Variants in NUBPL observed in about 807,000 individuals in gnomAD.
NUBPL encodes the protein NUBP iron-sulfur cluster assembly factor, mitochondrial, also known as iron-sulfur cluster transfer protein NUBPL.
NUBPL carries 31 observed loss-of-function variants against 45.7 expected under a neutral mutation model. The observed-to-expected ratio is 0.68, with a 90% CI of 0.51 to 0.92. NUBPL has a LOEUF of 0.92. Ranked by LOEUF, NUBPL falls within the 40% of genes least tolerant of loss-of-function variation. NUBPL has a pLI of 0.00. For missense variants in NUBPL, 401 were observed against 398.7 expected, an observed-to-expected ratio of 1.01 and a Z score of -0.05; for synonymous variants, 144 against 140.9, an observed-to-expected ratio of 1.02 and a Z score of -0.15.
At chr14:31,812,563 G>C (rs2138910706) in intron 7 of NUBPL, among the ~76,000 whole-genome samples, 1 of 152,322 alleles carries the variant, frequency 6.6e-6, no homozygotes, top group African/African-American at 2.4e-5. Flanking sequence ...GGCTAGGAAA[G>C]GGAAATCCCC....
At chr14:31,759,887 T>C (rs1474514656) in intron 6 of NUBPL, among the ~76,000 whole-genome samples, 3 of 151,282 alleles carry the variant, frequency 2.0e-5, no homozygotes, top group African/African-American at 7.3e-5. Flanking sequence ...CCAGTATAAG[T>C]GTTCTGAGCA....
intron 6 of NUBPL, among the ~76,000 whole-genome samples, chr14:31,723,828 C>T (rs573023699): frequency 5.3e-5 from 8 of 152,210 alleles, no homozygotes; most frequent in South Asian, 2.1e-4. Flanking sequence ...TGTTTATCAG[C>T]GTAAGAACTT....
intron 4 of NUBPL, among the ~76,000 whole-genome samples, chr14:31,622,587 C>G (rs1056596250): frequency 6.6e-6 from 1 of 152,218 alleles, no homozygotes; most frequent in Non-Finnish European, 1.5e-5. Flanking sequence ...ACCCTACATC[C>G]CAGACACTCT....
intron 8 of NUBPL, 36 bp downstream of exon 8, chr14:31,826,750 AC>A: frequency 6.5e-7 from 1 of 1,548,500 alleles, no homozygotes; most frequent in South Asian, 1.1e-5. Flanking sequence ...AAAATATAAA[AC>A]TCTTCTAACT....
intron 6 of NUBPL, among the ~76,000 whole-genome samples, chr14:31,706,355 C>T (rs2037452453): frequency 6.6e-6 from 1 of 152,084 alleles, no homozygotes; most frequent in African/African-American, 2.4e-5. Context: ...ATTTGGGGTT[C>T]CATTTGTAAG....
intron 4 of NUBPL, among the ~76,000 whole-genome samples, chr14:31,634,805 A>T (rs1392599312): frequency 2.0e-5 from 3 of 150,432 alleles, no homozygotes; most frequent in Non-Finnish European, 4.4e-5. Flanking sequence ...ATGGTATCTC[A>T]TTGTGGTTTT....
intron 10 of NUBPL, among the ~76,000 whole-genome samples, chr14:31,855,438 G>C (rs1034649522): frequency 2.0e-5 from 3 of 152,172 alleles, no homozygotes; most frequent in Admixed American, 2.0e-4. Flanking sequence ...TTTAGAGTCA[G>C]TTGGACCCAG....
At chr14:31,691,650 A>G (rs1595500564) in intron 6 of NUBPL, among the ~76,000 whole-genome samples, 1 of 152,212 alleles carries the variant, frequency 6.6e-6, no homozygotes, top group African/African-American at 2.4e-5. Context: ...AGTTTGAGGT[A>G]ATATTAAGGG....
At chr14:31,815,219 C>T (rs1301739677) in intron 7 of NUBPL, among the ~76,000 whole-genome samples, 1 of 151,942 alleles carries the variant, frequency 6.6e-6, no homozygotes, top group African/African-American at 2.4e-5. Flanking sequence ...TTTTCTTGAG[C>T]AGCGGTTTGT....
chr14:31,761,955 TC>T (rs1489066754), intron 6 of NUBPL, among the ~76,000 whole-genome samples: 3 of 152,190 alleles, frequency 2.0e-5, no homozygotes, highest in African/African-American at 7.2e-5. Flanking sequence ...TTTGATGTTT[TC>T]CTAGGTGCCT....
chr14:31,757,067 A>G (rs1313155092), intron 6 of NUBPL, among the ~76,000 whole-genome samples: 3 of 151,988 alleles, frequency 2.0e-5, no homozygotes, highest in Non-Finnish European at 4.4e-5. Flanking sequence ...GATTATGGTG[A>G]ATAAGCTTTT....
intron 10 of NUBPL, among the ~76,000 whole-genome samples, chr14:31,856,953 C>T (rs1418242947): frequency 6.6e-6 from 1 of 152,180 alleles, no homozygotes; most frequent in East Asian, 1.9e-4. Flanking sequence ...TGGTGACTGT[C>T]TTCTCACAAC....
In NUBPL at chr14:31,575,401, C is replaced by G. The variant is rs117797579; in HGVS notation, c.291+10353C>G. Among the ~76,000 whole-genome samples the G allele has an allele frequency of 4.3e-4, 65 of 152,324 alleles. 2 individuals carry two copies. The East Asian group carries it at 0.012, about 29-fold the overall frequency. On this transcript the variant is annotated intron_variant, in intron 3 of 10. Coordinates refer to ENST00000281081, the MANE Select transcript of NUBPL (RefSeq NM_025152.3). ...TGATTCTGGCTCTGCCTCCTGCAAA[C>G]TCTGCGACTTTTGCCTGTACCTACC... is the stretch of plus-strand genomic sequence containing the variant.
At chr14:31,755,541 AGTT>A (rs1318041239) in intron 6 of NUBPL, among the ~76,000 whole-genome samples, 5 of 149,664 alleles carry the variant, frequency 3.3e-5, no homozygotes, top group African/African-American at 1.2e-4. Context: ...TTTTTGATGG[AGTT>A]GTTTGTTTTT....
chr14:31,843,047 G>T (rs1391631626), intron 8 of NUBPL, among the ~76,000 whole-genome samples: 2 of 152,114 alleles, frequency 1.3e-5, no homozygotes, highest in East Asian at 3.9e-4. Flanking sequence ...TTTGTCTCAT[G>T]CTCTGTGTCC....
Position 31,659,188 on chromosome 14 carries a change from G to A in NUBPL, c.383-14167G>A, listed in dbSNP as rs143283373. Among the ~76,000 whole-genome samples, 773 of 152,308 alleles carry A rather than the reference G, an allele frequency of 5.1e-3. 3 individuals carry two copies. The highest frequency in any genetic ancestry group is 8.6e-3 in the Non-Finnish European group (582 of 68,022). On this transcript the variant is annotated intron_variant, in intron 4 of 10. Coordinates refer to ENST00000281081, the MANE Select transcript of NUBPL (RefSeq NM_025152.3). The stretch of plus-strand genomic sequence containing the variant: ...AATATCTAAAGTGTCTAAAATAAAT[G>A]TAGTGCTTTGTGACTATGTGATGTA...
At chr14:31,597,050 C>T (rs1402564246) in intron 3 of NUBPL, among the ~76,000 whole-genome samples, 2 of 152,142 alleles carry the variant, frequency 1.3e-5, no homozygotes, top group African/African-American at 4.8e-5. Flanking sequence ...TCTAATGTCC[C>T]TTTATCCTGT....
intron 3 of NUBPL, among the ~76,000 whole-genome samples, chr14:31,580,787 T>A (rs1488280557): frequency 6.6e-6 from 1 of 152,088 alleles, no homozygotes; most frequent in African/African-American, 2.4e-5. Context: ...ATATGAAGTG[T>A]TTTTATAAAT....
At chr14:31,633,141 G>A (rs1469400925) in intron 4 of NUBPL, among the ~76,000 whole-genome samples, 1 of 152,152 alleles carries the variant, frequency 6.6e-6, no homozygotes, top group African/African-American at 2.4e-5. Context: ...ATCTTTGGCT[G>A]TGTATGCCAC....
Sources: allele counts gnomAD v4.1 joint callset (sites outside exome capture counted in the v4.1 genomes callset), GRCh38; gene constraint gnomAD v4.1.1; transcripts MANE v1.5; gene names NCBI Gene and HGNC (gene_info 2026-07-23, HGNC 2026-07-21).